The following PFAS variants were observed in gnomAD, a reference collection of about 807,000 sequenced individuals.
PFAS encodes the protein phosphoribosylformylglycinamidine synthase.
PFAS carries 97 observed loss-of-function variants against 140.6 expected under a neutral mutation model. The ratio of observed to expected loss-of-function variants is 0.69; its 90% CI spans 0.59 to 0.82. The LOEUF (loss-of-function observed/expected upper bound fraction) is 0.82, where lower values mean the gene tolerates loss of function less well. PFAS is among the 40% of genes least tolerant of loss of function. PFAS has a pLI of 0.00. For synonymous variants in PFAS, 679 were observed against 718.8 expected (o/e 0.94, Z 0.88); for missense variants, 1,656 against 1,780.2 (o/e 0.93, Z 1.26).
rs771208966 is a variant in PFAS, at chr17:8,264,572, G to T, written c.2020G>T (p.Val674Leu). Residue 674 changes from valine (V) to leucine (L), a missense_variant, in exon 17 of 28, where the codon GTG becomes TTG. Physicochemically the swap from Val to Leu is conservative, Grantham distance 32. Coordinates refer to ENST00000314666, the MANE Select transcript of PFAS (RefSeq NM_012393.3). ...ALERVLRLPA[V>L]ASKRYLTNKV... ...GGAGAGGGTTCTGAGGCTGCCCGCC[G>T]TGGCCAGCAAGCGCTACCTCACCAA... is the stretch of plus-strand genomic sequence containing the variant. The T allele has an allele frequency of 3.1e-6, 5 of 1,613,320 alleles. No homozygotes were observed. The East Asian group carries it at 1.1e-4, about 36-fold the overall frequency.
At chr17:8,263,691 GC>G (rs1989687616) in intron 14 of PFAS, 55 bp downstream of exon 14, 6 of 1,602,056 alleles carry the variant, frequency 3.7e-6, no homozygotes, top group Non-Finnish European at 5.1e-6. Flanking sequence ...GCCCCAGCCC[GC>G]TTCCACCCAT....
In PFAS at chr17:8,267,308, G is replaced by C; in HGVS notation, c.3176-64G>C. On this transcript the variant is annotated intron_variant, in intron 24 of 27. Coordinates refer to ENST00000314666, the MANE Select transcript of PFAS (RefSeq NM_012393.3). The surrounding 1 kb of genome is among the most constrained non-coding windows in gnomAD (Gnocchi z 4.9). ...GGATGCCTGGGCCTGCCCTCAGAAA[G>C]GTGTCTGGGGAGTTGGGGTGGGGAA... 4 of 1,586,544 alleles carry C rather than the reference G, an allele frequency of 2.5e-6. No homozygotes were observed. Among genetic ancestry groups the C allele is most frequent in the Non-Finnish European group, 3.5e-6 (4 of 1,156,034 alleles).
Position 8,266,038 on chromosome 17 carries a change from A to G in PFAS, c.2701+21A>G. 2 of 1,583,236 alleles carry G rather than the reference A, an allele frequency of 1.3e-6. No individual in the cohort carries two copies. The highest frequency in any genetic ancestry group is 1.7e-6 in the Non-Finnish European group (2 of 1,162,344). On this transcript the variant is annotated intron_variant, in intron 21 of 27. Coordinates refer to ENST00000314666, the MANE Select transcript of PFAS (RefSeq NM_012393.3). This position sits in a 1 kb window ranked among gnomAD's most constrained non-coding sequence, Gnocchi z 5.0. ...GAAAGGTGAGTGAAGACCCCTGGGGAGATAGCGCACAGGGTGCCAGGCGTG... is the reference window on the plus strand; with the variant it reads ...GAAAGGTGAGTGAAGACCCCTGGGGGGATAGCGCACAGGGTGCCAGGCGTG...
rs767510017 is a variant in PFAS at position 8,256,602 on chromosome 17, G to T, written c.900G>T (p.Gly300=). The change falls in exon 8 of 28, where the codon GGG becomes GGT. Residue 300 remains glycine (G), a synonymous_variant. Transcript: ENST00000314666. Reference sequence around the variant, plus strand: ...CAAGCCGCTTCCAGCAACAGCAAGGGCTGAGACATGTTGTCTTCACAGCAG... The same window carrying T: ...CAAGCCGCTTCCAGCAACAGCAAGGTCTGAGACATGTTGTCTTCACAGCAG... ...TRPSRFQQQQ[G]LRHVVFTAET... is the part of the protein sequence containing the mutation. 2.5e-6 allele frequency: 4 copies of T among 1,614,056 alleles called. No homozygotes were observed. In the African/African-American group the frequency reaches 5.3e-5, roughly 22 times the overall value.
rs759023667 is a variant in PFAS at position 8,266,387 on chromosome 17, C to T, written c.2821+34C>T. On this transcript the variant is annotated intron_variant, in intron 22 of 27. Transcript: ENST00000314666. This position sits in a 1 kb window ranked among gnomAD's most constrained non-coding sequence, Gnocchi z 5.0. ...CCTGGGGTCTAGTCTCAGGCCCGGG[C>T]TGCCTTCTCTACCCTGCAGACCCCA... The T allele has an allele frequency of 6.2e-7, 1 of 1,613,168 alleles. No individual in the cohort carries two copies. The highest frequency in any genetic ancestry group is 1.1e-5 in the South Asian group (1 of 90,932).
At position 8,260,786 on chromosome 17, in the gene PFAS, G is replaced by A. The variant is rs537595511; in HGVS notation, c.1337-2134G>A. Among the ~76,000 whole-genome samples the A allele has an allele frequency of 1.8e-4, 28 of 152,124 alleles. 1 individual carries two copies. The East Asian group carries it at 3.9e-3, about 21-fold the overall frequency. On this transcript the variant is annotated intron_variant, in intron 11 of 27. Transcript: ENST00000314666. Reference sequence around the variant, plus strand: ...ACCACAGGTGCCCACCACCACGCCCGGCTAATTTTATGTGTTTTTAGCAGA... The same window carrying A: ...ACCACAGGTGCCCACCACCACGCCCAGCTAATTTTATGTGTTTTTAGCAGA...
Position 8,258,112 on chromosome 17 carries a change from C to T in PFAS, c.1249C>T (p.Arg417Trp), listed in dbSNP as rs748225485. The change falls in exon 11 of 28, where the codon CGG (arginine) becomes TGG (tryptophan). Residue 417 changes from arginine to tryptophan, a missense_variant. Physicochemically the swap from Arg to Trp is moderately radical, Grantham distance 101 (BLOSUM62 -3). Transcript: ENST00000314666. The stretch of plus-strand genomic sequence containing the variant: ...GGGCCTCCAGCTCCCAGACGGCCAG[C>T]GGCGTGAGTGGATCAAGCCCATCAT... The part of the protein sequence containing the change: ...SLGLQLPDGQ[R>W]REWIKPIMFS... The T allele has an allele frequency of 2.4e-5, 38 of 1,613,942 alleles. No individual in the cohort carries two copies. The highest frequency in any genetic ancestry group is 9.3e-5 in the African/African-American group (7 of 74,896).
chr17:8,248,080 GGGGGTGGGGATGGGGGT>G, upstream of PFAS: 2 of 1,484,180 alleles, frequency 1.3e-6, no homozygotes, highest in Non-Finnish European at 1.8e-6. Context: ...GTGCTCGCTT[GGGGGTGGGGATGGGGGT>G]GGGGGGGCGC....
At chr17:8,255,984 G>C in intron 6 of PFAS, 74 bp downstream of exon 6, 1 of 1,192,518 alleles carries the variant, frequency 8.4e-7, no homozygotes, top group Non-Finnish European at 1.2e-6. Context: ...TCACCTTCAT[G>C]TTCCTCCCTT....
chr17:8,249,865 A>G (rs1989080602), intron 1 of PFAS, among the ~76,000 whole-genome samples: 2 of 152,014 alleles, frequency 1.3e-5, no homozygotes, highest in Non-Finnish European at 2.9e-5. Context: ...AGCCTTGGTA[A>G]TTCAATGGAA....
intron 3 of PFAS, among the ~76,000 whole-genome samples, chr17:8,254,811 GA>G (rs1157484357): frequency 2.0e-5 from 3 of 151,382 alleles, no homozygotes; most frequent in Non-Finnish European, 4.4e-5. Flanking sequence ...CTCACAGAAA[GA>G]AAAAAAAATC....
intron 17 of PFAS, 67 bp from the exon 18 acceptor site, chr17:8,264,828 G>A: frequency 2.5e-6 from 3 of 1,181,828 alleles, no homozygotes; most frequent in South Asian, 1.5e-5. Flanking sequence ...AGTGCCTTGG[G>A]GGCATGTGCG....
In PFAS at chr17:8,265,894, C is replaced by A; in HGVS notation, c.2578C>A (p.Gln860Lys). 1 of 1,611,282 alleles carries A rather than the reference C, an allele frequency of 6.2e-7. No individual in the cohort carries two copies. The highest frequency in any genetic ancestry group is 8.5e-7 in the Non-Finnish European group (1 of 1,178,500). The change falls in exon 21 of 28, where the codon CAG becomes AAG. Residue 860 changes from glutamine (Q) to lysine (K), a missense_variant. Around this residue, in one of 2 missense-constraint regions of PFAS, gnomAD observed 883 missense variants for 1,023.0 expected, o/e 0.86. Coordinates refer to ENST00000314666, the MANE Select transcript of PFAS (RefSeq NM_012393.3). ...GCTCTATGTGGCTCTGAGCCCTGGG[C>A]AGCACCGGCTCGGGGGCACAGCTCT... is the stretch of plus-strand genomic sequence containing the variant. ...HLLYVALSPGQHRLGGTALAQ... is the reference protein window; with the variant it reads ...HLLYVALSPGKHRLGGTALAQ...
In PFAS at chr17:8,257,896, GCTT is replaced by G; in HGVS notation, c.1168_1170del (p.Ser390del). 1 of 1,614,206 alleles carries G rather than the reference GCTT, an allele frequency of 6.2e-7. No homozygotes were observed. Among genetic ancestry groups the G allele is most frequent in the South Asian group, 1.1e-5 (1 of 91,086 alleles). ...GGTTGCCATTGAAGCCAGTAATGGA[GCTT>G]CTGACTATGGCAACAAGTTTGGGGA... On this transcript the variant is annotated inframe_deletion, in exon 10 of 28. Transcript: ENST00000314666.
At chr17:8,263,548 T>C (rs768746079) in intron 13 of PFAS, 27 bp from the exon 14 acceptor site, 3 of 1,606,210 alleles carry the variant, frequency 1.9e-6, no homozygotes. Flanking sequence ...ACTAGGTCAC[T>C]GCTTCTCCTT....
chr17:8,254,118 G>C (rs371776091), intron 2 of PFAS, 39 bp downstream of exon 2: 4 of 1,613,816 alleles, frequency 2.5e-6, no homozygotes, highest in Non-Finnish European at 3.4e-6. Flanking sequence ...GACATGCCTC[G>C]GTGCTGGGGG....
At position 8,256,658 on chromosome 17, in the gene PFAS, G is replaced by T. The variant is rs1476175119; in HGVS notation, c.946+10G>T. The stretch of plus-strand genomic sequence containing the variant: ...CACAACTTTCCCACAGGTGAGCTGG[G>T]TTCCCTGGAGAAATAGGTGAGATCA... On this transcript the variant is annotated intron_variant, in intron 8 of 27. Transcript: ENST00000314666. 1 of 1,613,774 alleles carries T rather than the reference G, an allele frequency of 6.2e-7. No individual in the cohort carries two copies. The highest frequency in any genetic ancestry group is 8.5e-7 in the Non-Finnish European group (1 of 1,179,856).
chr17:8,263,265 G>A lies in PFAS; in HGVS notation c.1567G>A (p.Gly523Ser). 1 of 1,614,104 alleles carries A rather than the reference G, an allele frequency of 6.2e-7. No homozygotes were observed. Among genetic ancestry groups the A allele is most frequent in the Non-Finnish European group, 8.5e-7 (1 of 1,180,004 alleles). ...TCATGATCAGGGCGCTGGTGGCAAT[G>A]GTGAGGAAAGGAGTTGGAACAAGAG... is the stretch of plus-strand genomic sequence containing the variant. ...SLHDQGAGGN[G>S]NVLKELSDPA... Residue 523 changes from glycine (G) to serine (S), a missense_variant and splice_region_variant, in exon 13 of 28, where the codon GGC (glycine) becomes AGC (serine). Physicochemically the swap from Gly to Ser is moderately conservative, Grantham distance 56 (BLOSUM62 0). This residue lies in a region of PFAS where 773 missense variants were observed against 757.3 expected (regional missense o/e 1.02). Transcript: ENST00000314666.
rs62063140 is a variant in PFAS at position 8,267,262 on chromosome 17, C to A, written c.3175+27C>A. 4 of 1,589,342 alleles carry A rather than the reference C, an allele frequency of 2.5e-6. No homozygotes were observed. Among genetic ancestry groups the A allele is most frequent in the Non-Finnish European group, 3.4e-6 (4 of 1,159,472 alleles). On this transcript the variant is annotated intron_variant, in intron 24 of 27. Coordinates refer to ENST00000314666, the MANE Select transcript of PFAS (RefSeq NM_012393.3). This position sits in a 1 kb window ranked among gnomAD's most constrained non-coding sequence, Gnocchi z 4.9. ...TGAGGGAGTGTGTGCAGAGGCTCCG[C>A]GTCCTGGGGGCACTGAGCCTGGATG...
Sources: allele counts gnomAD v4.1 joint callset (sites outside exome capture counted in the v4.1 genomes callset), GRCh38; gene constraint gnomAD v4.1.1; regional missense constraint gnomAD v4.1.1; non-coding constraint Gnocchi (gnomAD v3.1); transcripts MANE v1.5; gene names NCBI Gene and HGNC (gene_info 2026-07-23, HGNC 2026-07-21).